TRPM3: variants seen among roughly 807,000 people sequenced by gnomAD.
TRPM3 encodes long transient receptor potential channel 3.
TRPM3 carries 77 observed loss-of-function variants against 181.2 expected under a neutral mutation model. The observed-to-expected ratio is 0.42, with a 90% CI of 0.35 to 0.51. The LOEUF is 0.51. Ranked by LOEUF, TRPM3 falls within the 20% of genes least tolerant of loss-of-function variation. The probability of loss-of-function intolerance (pLI) is 0.01; values close to 1 mark genes in which losing one functional copy is unlikely to be tolerated. For missense variants in TRPM3, 1,759 were observed against 2,196.7 expected (o/e 0.80, Z 3.98); for synonymous variants, 745 against 796.4 (o/e 0.94, Z 1.09).
chr9:70,572,539 GTC>G (rs1433850552), intron 22 of TRPM3, among the ~76,000 whole-genome samples: 3 of 152,080 alleles, frequency 2.0e-5, no homozygotes, highest in Admixed American at 1.3e-4. Flanking sequence ...CAGTTCTACA[GTC>G]TCTCATTTTT....
intron 1 of TRPM3, among the ~76,000 whole-genome samples, chr9:71,053,220 T>C (rs1403395943): frequency 6.6e-6 from 1 of 151,834 alleles, no homozygotes; most frequent in Non-Finnish European, 1.5e-5. Context: ...AAGAATGTGG[T>C]TGAAGCCAGA....
chr9:70,661,487 G>A (rs1190490085), intron 9 of TRPM3, among the ~76,000 whole-genome samples: 1 of 151,990 alleles, frequency 6.6e-6, no homozygotes, highest in African/African-American at 2.4e-5. Flanking sequence ...TCAGAAAAAA[G>A]GATGTCAAAC....
intron 1 of TRPM3, among the ~76,000 whole-genome samples, chr9:71,042,281 C>T (rs1001055866): frequency 6.6e-6 from 1 of 152,066 alleles, no homozygotes; most frequent in East Asian, 1.9e-4. Flanking sequence ...TCAACTGAGC[C>T]TCTGCTGTGC....
chr9:71,320,043 G>A (rs2089051960), intron 1 of TRPM3, among the ~76,000 whole-genome samples: 1 of 151,962 alleles, frequency 6.6e-6, no homozygotes, highest in Non-Finnish European at 1.5e-5. Flanking sequence ...GAAGAAGATG[G>A]GAATATGAGT....
chr9:71,407,718 G>C (rs1474916088), intron 1 of TRPM3, among the ~76,000 whole-genome samples: 1 of 152,214 alleles, frequency 6.6e-6, no homozygotes, highest in Non-Finnish European at 1.5e-5. Flanking sequence ...ATGTTTAAGA[G>C]AGCAGTGGTT....
At chr9:71,063,198 T>A (rs961725951) in intron 1 of TRPM3, among the ~76,000 whole-genome samples, 1 of 152,102 alleles carries the variant, frequency 6.6e-6, no homozygotes, top group Non-Finnish European at 1.5e-5. Flanking sequence ...CTTCCTCCCA[T>A]GAGCCATTTG....
At chr9:70,701,093 C>G (rs1259937281) in intron 8 of TRPM3, among the ~76,000 whole-genome samples, 1 of 152,110 alleles carries the variant, frequency 6.6e-6, no homozygotes, top group Non-Finnish European at 1.5e-5. Flanking sequence ...ATGAAGTGCT[C>G]TATAAATTTT....
intron 16 of TRPM3, 55 bp from the exon 17 acceptor site, chr9:70,619,150 G>A (rs7849400): frequency 0.99 from 1,490,620 of 1,498,452 alleles, 741,665 homozygotes; most frequent in East Asian, 1. Flanking sequence ...GACTTATAAG[G>A]TAAAAGTGGA....
At chr9:70,804,395 T>G (rs2090134588) in intron 6 of TRPM3, among the ~76,000 whole-genome samples, 2 of 152,208 alleles carry the variant, frequency 1.3e-5, no homozygotes, top group African/African-American at 2.4e-5. Flanking sequence ...ACTATGTAAG[T>G]AGACTTATAA....
At chr9:71,320,844 G>C (rs1481286666) in intron 1 of TRPM3, among the ~76,000 whole-genome samples, 1 of 152,032 alleles carries the variant, frequency 6.6e-6, no homozygotes, top group East Asian at 1.9e-4. Context: ...AGAAAGTGTT[G>C]ATCTTCCTCC....
At chr9:70,984,021 A>G (rs2134051512) in intron 1 of TRPM3, among the ~76,000 whole-genome samples, 1 of 152,276 alleles carries the variant, frequency 6.6e-6, no homozygotes, top group Middle Eastern at 3.4e-3. Context: ...CAGCTCCCTC[A>G]GTCCAGCTAT....
intron 1 of TRPM3, among the ~76,000 whole-genome samples, chr9:71,257,445 A>T (rs1197929131): frequency 6.6e-6 from 1 of 152,134 alleles, no homozygotes; most frequent in Non-Finnish European, 1.5e-5. Flanking sequence ...AAATATAGCG[A>T]TTTCAGTGCT....
chr9:71,315,764 A>G (rs188066137), intron 1 of TRPM3, among the ~76,000 whole-genome samples: 353 of 152,312 alleles, frequency 2.3e-3, no homozygotes, highest in African/African-American at 8.0e-3. Flanking sequence ...GCTTTCTCTT[A>G]TTAATAAGTT....
At chr9:71,179,847 C>T (rs543884345) in intron 1 of TRPM3, among the ~76,000 whole-genome samples, 1 of 152,184 alleles carries the variant, frequency 6.6e-6, no homozygotes, top group South Asian at 2.1e-4. Context: ...CTAATGAAAT[C>T]TGCCTCCAAA....
intron 1 of TRPM3, among the ~76,000 whole-genome samples, chr9:70,945,403 A>G (rs2096923289): frequency 6.6e-6 from 1 of 152,208 alleles, no homozygotes; most frequent in African/African-American, 2.4e-5. Context: ...TATTTGTCAA[A>G]TAAATGAACT....
chr9:71,288,786 G>A (rs1031274311), intron 1 of TRPM3, among the ~76,000 whole-genome samples: 2 of 151,936 alleles, frequency 1.3e-5, no homozygotes, highest in Non-Finnish European at 2.9e-5. Flanking sequence ...AAAGTTGAGG[G>A]CCCAACAGAT....
chr9:70,535,638 C>T lies in TRPM3; in HGVS notation c.*315G>A. On this transcript the variant is annotated 3_prime_UTR_variant, in exon 26 of 26. Transcript: ENST00000677713. ...GGAGCGTGCTCGAAGCCCCTTGTTT[C>T]CCCTGCTCTCATGGCTTTCTGCTGT... The T allele has an allele frequency of 6.9e-7, 1 of 1,449,848 alleles. No individual in the cohort carries two copies. 89.8% of individuals were successfully genotyped at this position (1,449,848 alleles called of 1,614,324 possible).
intron 1 of TRPM3, among the ~76,000 whole-genome samples, chr9:71,302,781 T>TA (rs972138413): frequency 0.015 from 1,707 of 117,470 alleles, 6 homozygotes; most frequent in Non-Finnish European, 0.018. Flanking sequence ...ATAAATATTC[T>TA]AAAAAAAAAA....
intron 7 of TRPM3, among the ~76,000 whole-genome samples, chr9:70,777,649 A>C (rs563480415): frequency 6.7e-6 from 1 of 149,950 alleles, no homozygotes; most frequent in African/African-American, 2.4e-5. Flanking sequence ...ACTCCAACCT[A>C]TGCTTCCTTC....
Sources: allele counts gnomAD v4.1 joint callset (sites outside exome capture counted in the v4.1 genomes callset), GRCh38; gene constraint gnomAD v4.1.1; transcripts MANE v1.5; gene names NCBI Gene and HGNC (gene_info 2026-07-23, HGNC 2026-07-21).